NFKB1: variants seen among roughly 807,000 people sequenced by gnomAD.
NFKB1 encodes the protein nuclear factor kappa B subunit 1, also known as nuclear factor NF-kappa-B p105 subunit.
In NFKB1, 9 loss-of-function variants were observed where a neutral mutation model predicts 105.1. That is an observed-to-expected ratio of 0.09 (90% CI 0.05 to 0.15). NFKB1 has a LOEUF of 0.15. Among genes scored for constraint, NFKB1 ranks in the 10% least tolerant of loss-of-function variants. The probability of loss-of-function intolerance (pLI) is 1.00; values close to 1 mark genes in which losing one functional copy is unlikely to be tolerated. For missense variants in NFKB1, 830 were observed against 1,203.7 expected (o/e 0.69, Z 4.59); for synonymous variants, 440 against 442.2 (o/e 1.00, Z 0.06).
chr4:102,548,376 G>A (rs73837271), intron 5 of NFKB1, among the ~76,000 whole-genome samples: 12 of 152,194 alleles, frequency 7.9e-5, no homozygotes, highest in East Asian at 3.9e-4. Flanking sequence ...ATGGGGAGGC[G>A]ATCACCAGGT....
chr4:102,532,304 T>C (rs1741343542), intron 3 of NFKB1, among the ~76,000 whole-genome samples: 1 of 152,106 alleles, frequency 6.6e-6, no homozygotes, highest in Non-Finnish European at 1.5e-5. Context: ...TCTAGCCTTA[T>C]CCTGATTTAT....
intron 1 of NFKB1, among the ~76,000 whole-genome samples, chr4:102,518,671 C>T (rs1451477468): frequency 6.6e-6 from 1 of 152,108 alleles, no homozygotes; most frequent in African/African-American, 2.4e-5. Context: ...GTTCATCTGG[C>T]CTGGCCTGCT....
chr4:102,537,122 G>A (rs548912069), intron 4 of NFKB1, among the ~76,000 whole-genome samples: 2 of 152,238 alleles, frequency 1.3e-5, no homozygotes, highest in Admixed American at 1.3e-4. Context: ...CTTCTTAGGT[G>A]TTTATCAGCC....
intron 5 of NFKB1, among the ~76,000 whole-genome samples, chr4:102,554,368 C>T (rs554438441): frequency 6.6e-6 from 1 of 152,186 alleles, no homozygotes; most frequent in Non-Finnish European, 1.5e-5. Context: ...AAAGATGTGC[C>T]TGACACAAAT....
chr4:102,570,519 A>C (rs192323523), intron 6 of NFKB1, among the ~76,000 whole-genome samples: 78 of 152,272 alleles, frequency 5.1e-4, no homozygotes, highest in African/African-American at 1.8e-3. Context: ...GCCGCAGTGA[A>C]CATTAACATG....
chr4:102,596,413 A>G, intron 14 of NFKB1, 81 bp downstream of exon 14: 4 of 1,126,326 alleles, frequency 3.6e-6, no homozygotes, highest in South Asian at 4.5e-5. Flanking sequence ...CTGCTAATCT[A>G]AAGATGATAT....
At chr4:102,538,987 C>G (rs1314779875) in intron 5 of NFKB1, among the ~76,000 whole-genome samples, 1 of 151,964 alleles carries the variant, frequency 6.6e-6, no homozygotes. Flanking sequence ...GTCTGTAATC[C>G]CAGCACTTTG....
chr4:102,571,528 C>A (rs1236429875), intron 6 of NFKB1, among the ~76,000 whole-genome samples: 1 of 152,128 alleles, frequency 6.6e-6, no homozygotes, highest in East Asian at 1.9e-4. Context: ...AAAGAAACTA[C>A]CATCAGAGTG....
intron 1 of NFKB1, among the ~76,000 whole-genome samples, chr4:102,513,801 C>G (rs1739932696): frequency 6.6e-6 from 1 of 152,082 alleles, no homozygotes; most frequent in South Asian, 2.1e-4. Flanking sequence ...GCTTTCAATT[C>G]TTTGAAATTT....
In NFKB1 at chr4:102,616,658, G is replaced by A; in HGVS notation, c.*64G>A. 4 of 1,549,102 alleles carry A rather than the reference G, an allele frequency of 2.6e-6. No individual in the cohort carries two copies. The highest frequency in any genetic ancestry group is 2.4e-5 in the South Asian group (2 of 84,400). The stretch of plus-strand genomic sequence containing the variant: ...TAAAATTCCACTGCGTTGTCCACAA[G>A]ACAGAAGCTGAAGTGCATCCAAAGG... On this transcript the variant is annotated 3_prime_UTR_variant, in exon 24 of 24. Coordinates refer to ENST00000226574, the MANE Select transcript of NFKB1 (RefSeq NM_003998.4).
At chr4:102,502,744 T>C (rs1442790549) in intron 1 of NFKB1, among the ~76,000 whole-genome samples, 3 of 152,216 alleles carry the variant, frequency 2.0e-5, no homozygotes, top group African/African-American at 7.2e-5. Context: ...GACATGTTCA[T>C]GGACTTTGTT....
At chr4:102,614,061 C>T (rs1434964152) in intron 23 of NFKB1, among the ~76,000 whole-genome samples, 2 of 152,144 alleles carry the variant, frequency 1.3e-5, no homozygotes, top group Non-Finnish European at 2.9e-5. Context: ...ATTTTATTCT[C>T]CCACTCTGTA....
chr4:102,553,199 C>G (rs1302634661), intron 5 of NFKB1, among the ~76,000 whole-genome samples: 1 of 152,126 alleles, frequency 6.6e-6, no homozygotes, highest in Non-Finnish European at 1.5e-5. Context: ...AAAGGAGATT[C>G]TACACCGAAT....
rs528051893 is a variant in NFKB1, at chr4:102,501,681, C to G, written c.-115C>G. ...GCCCCGACCCGCACTCGGGCCCGCC[C>G]GGGCTCCGGCCTGCCGCCGCCTCTT... is the stretch of plus-strand genomic sequence containing the variant. On this transcript the variant is annotated 5_prime_UTR_variant, in exon 1 of 24. Transcript: ENST00000226574. The G allele has an allele frequency of 6.5e-4, 98 of 151,888 alleles. No homozygotes were observed. The highest frequency in any genetic ancestry group is 2.1e-3 in the African/African-American group (88 of 41,454). 9.4% of individuals were successfully genotyped at this position (151,888 alleles called of 1,614,324 possible).
chr4:102,530,620 G>T (rs989192920), intron 3 of NFKB1, among the ~76,000 whole-genome samples: 2 of 152,180 alleles, frequency 1.3e-5, no homozygotes, highest in Admixed American at 6.6e-5. Flanking sequence ...GTGAATTATG[G>T]AAGTTATGTG....
intron 10 of NFKB1, 90 bp from the exon 11 acceptor site, chr4:102,584,592 A>G: frequency 3.1e-6 from 4 of 1,297,626 alleles, no homozygotes; most frequent in Non-Finnish European, 4.1e-6. Flanking sequence ...TATAAAGAAA[A>G]GCATAAGGAA....
intron 15 of NFKB1, among the ~76,000 whole-genome samples, chr4:102,600,120 C>G (rs1045965700): frequency 2.6e-5 from 4 of 152,098 alleles, no homozygotes; most frequent in African/African-American, 4.8e-5. Flanking sequence ...CATAACCAAG[C>G]AGTAAATTTG....
At chr4:102,503,001 T>C (rs1739189001) in intron 1 of NFKB1, among the ~76,000 whole-genome samples, 1 of 152,232 alleles carries the variant, frequency 6.6e-6, no homozygotes, top group African/African-American at 2.4e-5. Flanking sequence ...ACTGCATTCG[T>C]GTTTGTTAAA....
At chr4:102,586,200 G>GCAGTGATACTGTGATA (rs1725699638) in intron 11 of NFKB1, among the ~76,000 whole-genome samples, 1 of 152,178 alleles carries the variant, frequency 6.6e-6, no homozygotes, top group African/African-American at 2.4e-5. Context: ...AAGAGAGAGT[G>GCAGTGATACTGTGATA]CAGTGATACT....
Sources: gnomAD v4.1 joint callset for allele counts (sites outside exome capture counted in the v4.1 genomes callset) on GRCh38, gnomAD v4.1.1 for gene constraint, MANE v1.5 for transcripts, NCBI Gene and HGNC (gene_info 2026-07-23, HGNC 2026-07-21) for gene names.